PTGER3: variants seen among roughly 807,000 people sequenced by gnomAD.
The protein encoded by PTGER3 is prostaglandin E2 receptor EP3 subtype.
A neutral mutation model predicts 34.7 loss-of-function variants in PTGER3; 22 were observed. The ratio of observed to expected loss-of-function variants is 0.63; its 90% CI spans 0.45 to 0.91. The LOEUF is 0.91. Among genes scored for constraint, PTGER3 ranks in the 40% least tolerant of loss-of-function variants. The pLI, the probability that PTGER3 is intolerant of heterozygous loss-of-function variation, is 0.00. For synonymous variants in PTGER3, 241 were observed against 230.1 expected (o/e 1.05, Z -0.43); for missense variants, 468 against 519.4 (o/e 0.90, Z 0.96).
At chr1:70,863,105 C>G (rs1012667465) in intron 4 of PTGER3, among the ~76,000 whole-genome samples, 1 of 151,192 alleles carries the variant, frequency 6.6e-6, no homozygotes, top group Non-Finnish European at 1.5e-5. Flanking sequence ...AGATGATGGG[C>G]CATAACATGA....
chr1:70,907,668 G>A (rs930762433), intron 4 of PTGER3, among the ~76,000 whole-genome samples: 8 of 152,164 alleles, frequency 5.3e-5, no homozygotes, highest in Non-Finnish European at 1.2e-4. Context: ...CATGTCCGGG[G>A]GAGCAACTAA....
At chr1:70,995,551 A>G (rs547567324) in intron 2 of PTGER3, among the ~76,000 whole-genome samples, 10 of 152,318 alleles carry the variant, frequency 6.6e-5, no homozygotes, top group African/African-American at 1.4e-4. Context: ...TCCAAATACT[A>G]CACCTAGTCT....
At chr1:70,962,587 G>A (rs369774068) in intron 2 of PTGER3, among the ~76,000 whole-genome samples, 5 of 152,132 alleles carry the variant, frequency 3.3e-5, no homozygotes, top group East Asian at 1.9e-4. Flanking sequence ...CTTACATGGC[G>A]GCAGGCCAAG....
intron 4 of PTGER3, among the ~76,000 whole-genome samples, chr1:70,871,293 A>T (rs74086976): frequency 0.11 from 17,131 of 152,058 alleles, 2,056 homozygotes; most frequent in African/African-American, 0.28. Flanking sequence ...CTTCGCAGCA[A>T]CCAGATCTCA....
chr1:71,040,612 GA>G (rs376789999), intron 1 of PTGER3, among the ~76,000 whole-genome samples: 21 of 146,878 alleles, frequency 1.4e-4, no homozygotes, highest in South Asian at 2.2e-4. Context: ...TGTCTCAAAA[GA>G]AAAAAAAAAG....
intron 2 of PTGER3, among the ~76,000 whole-genome samples, chr1:70,983,997 A>G (rs1654652086): frequency 6.6e-6 from 1 of 152,180 alleles, no homozygotes; most frequent in South Asian, 2.1e-4. Context: ...CGAACGGTAC[A>G]CACAACCTTT....
intron 4 of PTGER3, among the ~76,000 whole-genome samples, chr1:70,913,125 C>T (rs1465570546): frequency 6.6e-6 from 1 of 151,918 alleles, no homozygotes; most frequent in Admixed American, 6.6e-5. Flanking sequence ...TTTGTGAACA[C>T]AGTATATGTC....
intron 4 of PTGER3, among the ~76,000 whole-genome samples, chr1:70,926,147 G>A (rs187599832): frequency 2.6e-5 from 4 of 152,306 alleles, no homozygotes; most frequent in African/African-American, 9.6e-5. Context: ...CATAGTGGTT[G>A]TAGGGACAAA....
chr1:70,963,649 C>G (rs1652192590), intron 2 of PTGER3, among the ~76,000 whole-genome samples: 1 of 152,162 alleles, frequency 6.6e-6, no homozygotes, highest in African/African-American at 2.4e-5. Context: ...GTGCCAAGCC[C>G]CTGGCCTGCA....
chr1:70,937,359 T>C (rs1649322079), intron 4 of PTGER3, among the ~76,000 whole-genome samples: 1 of 152,214 alleles, frequency 6.6e-6, no homozygotes, highest in African/African-American at 2.4e-5. Flanking sequence ...ATCATTTATT[T>C]GGCGGGCACT....
At chr1:70,990,384 C>CATAT (rs1455098814) in intron 2 of PTGER3, among the ~76,000 whole-genome samples, 8 of 99,942 alleles carry the variant, frequency 8.0e-5, no homozygotes, top group East Asian at 2.8e-4. Flanking sequence ...CACACACACA[C>CATAT]ACATATATAT....
downstream of PTGER3, among the ~76,000 whole-genome samples, chr1:70,948,677 C>T (rs569066910): frequency 2.6e-5 from 4 of 152,152 alleles, no homozygotes; most frequent in East Asian, 5.8e-4. Context: ...TCATGTACTT[C>T]GTTACTTGTA....
At chr1:70,989,895 A>G (rs1655271634) in intron 2 of PTGER3, among the ~76,000 whole-genome samples, 1 of 152,068 alleles carries the variant, frequency 6.6e-6, no homozygotes, top group Non-Finnish European at 1.5e-5. Flanking sequence ...CTACACACAC[A>G]CACGCACACA....
intron 1 of PTGER3, among the ~76,000 whole-genome samples, chr1:71,020,528 T>G (rs1371800199): frequency 1.3e-5 from 2 of 151,988 alleles, no homozygotes; most frequent in African/African-American, 2.4e-5. Flanking sequence ...AGGATTTCAT[T>G]TGGCAAATAA....
At chr1:70,880,904 G>A (rs1052731187) in intron 4 of PTGER3, among the ~76,000 whole-genome samples, 2 of 138,552 alleles carry the variant, frequency 1.4e-5, no homozygotes, top group Admixed American at 6.8e-5. Context: ...GTCTTATATA[G>A]TGTCTTGTAG....
intron 4 of PTGER3, among the ~76,000 whole-genome samples, chr1:70,912,705 T>C (rs988715980): frequency 1.3e-5 from 2 of 152,108 alleles, no homozygotes; most frequent in African/African-American, 4.8e-5. Context: ...TTTTTGTTTT[T>C]ATTTTCTAGC....
chr1:70,876,862 G>A (rs1646283600), intron 4 of PTGER3, among the ~76,000 whole-genome samples: 1 of 152,152 alleles, frequency 6.6e-6, no homozygotes, highest in Non-Finnish European at 1.5e-5. Flanking sequence ...CTGTAGCCTT[G>A]TAGTATAGTT....
intron 2 of PTGER3, among the ~76,000 whole-genome samples, chr1:70,956,702 G>C (rs78080081): frequency 6.6e-6 from 1 of 152,114 alleles, no homozygotes; most frequent in African/African-American, 2.4e-5. Flanking sequence ...AACTCAAGAT[G>C]AAACTTTTAT....
chr1:70,992,115 T>A (rs1655534084), intron 2 of PTGER3, among the ~76,000 whole-genome samples: 1 of 152,152 alleles, frequency 6.6e-6, no homozygotes, highest in African/African-American at 2.4e-5. Context: ...GGTGAGTAAT[T>A]TACCCTCAGT....
Sources: gnomAD v4.1 joint callset for allele counts (sites outside exome capture counted in the v4.1 genomes callset) on GRCh38, gnomAD v4.1.1 for gene constraint, MANE v1.5 for transcripts, NCBI Gene and HGNC (gene_info 2026-07-23, HGNC 2026-07-21) for gene names.